Variants in VPS51 observed in about 807,000 individuals in gnomAD.
VPS51 encodes the protein VPS51 subunit of GARP complex, also known as vacuolar protein sorting-associated protein 51 homolog.
A neutral mutation model predicts 65.1 loss-of-function variants in VPS51; 55 were observed. The ratio of observed to expected loss-of-function variants is 0.84; its 90% confidence interval spans 0.68 to 1.06. The LOEUF (loss-of-function observed/expected upper bound fraction) is 1.06, where lower values mean the gene tolerates loss of function less well. Among genes scored for constraint, VPS51 ranks in the 50% least tolerant of loss-of-function variants. The pLI is 0.00. For synonymous variants in VPS51, 473 were observed against 489.5 expected (o/e 0.97, Z 0.44); for missense variants, 943 against 1,101.6 (o/e 0.86, Z 2.04).
At chr11:65,097,231 A>G in intron 2 of VPS51, 104 bp downstream of exon 2, 3 of 1,509,226 alleles carry the variant, frequency 2.0e-6, no homozygotes, top group Non-Finnish European at 2.7e-6. Context: ...CTCAGATTCC[A>G]GTCTTGTCCT....
intron 1 of VPS51, 40 bp downstream of exon 1, chr11:65,096,518 G>GGGGGGGGGGGGGGGGGGC: frequency 6.0e-5 from 30 of 499,362 alleles, no homozygotes; most frequent in Middle Eastern, 6.0e-4. Context: ...GGGGAGGGGG[G>GGGGGGGGGGGGGGGGGGC]AAGGGAACCA....
intron 2 of VPS51, among the ~76,000 whole-genome samples, chr11:65,101,937 G>A (rs1012599358): frequency 6.6e-6 from 1 of 150,978 alleles, no homozygotes; most frequent in African/African-American, 2.4e-5. Context: ...TTACCACCCA[G>A]TCCCCTCCCA....
intron 2 of VPS51, among the ~76,000 whole-genome samples, chr11:65,099,609 C>G (rs1196592757): frequency 6.6e-6 from 1 of 151,148 alleles, no homozygotes; most frequent in Non-Finnish European, 1.5e-5. Flanking sequence ...GCCTGTGCAA[C>G]ATAGTGAGAC....
In VPS51 at chr11:65,111,392, C is replaced by T. The variant is rs1182860788; in HGVS notation, c.2154C>T (p.Arg718=). Residue 718 remains arginine (R), a synonymous_variant, in exon 10 of 10, where the codon CGC becomes CGT. Coordinates refer to ENST00000279281, the MANE Select transcript of VPS51 (RefSeq NM_013265.4). ...LKTLLECVRL[R]TFGRFGLQQV... Reference sequence around the variant, plus strand: ...CGCTGCTGGAGTGTGTGCGGCTGCGCACCTTTGGGCGCTTCGGGCTGCAGC... The same window carrying T: ...CGCTGCTGGAGTGTGTGCGGCTGCGTACCTTTGGGCGCTTCGGGCTGCAGC... 5 of 1,612,834 alleles carry T rather than the reference C, an allele frequency of 3.1e-6. No individual in the cohort carries two copies. In the African/African-American group the frequency reaches 5.3e-5, roughly 17 times the overall value.
rs1404479368 is a variant in VPS51 at position 65,108,028 on chromosome 11, G to C, written c.725+6G>C. The C allele has an allele frequency of 6.6e-7, 1 of 1,505,700 alleles. No individual in the cohort carries two copies. The highest frequency in any genetic ancestry group is 8.9e-7 in the Non-Finnish European group (1 of 1,128,432). The allele number at this position is 1,505,700 out of a possible 1,614,324, so 93.3% of individuals were successfully genotyped here. A position where few individuals can be genotyped will look rare whatever the true frequency, so the allele number is the denominator to read the frequency against. ...CAGCTGCGGCAGCGCTTTAGGTGTG[G>C]CCCCTCTGCCCTGACCCCAGCGCTC... On this transcript the variant is annotated splice_donor_region_variant and intron_variant, in intron 4 of 9. Coordinates refer to ENST00000279281, the MANE Select transcript of VPS51 (RefSeq NM_013265.4).
At position 65,111,544 on chromosome 11, in the gene VPS51, C is replaced by T. The variant is rs1947902432; in HGVS notation, c.2306C>T (p.Pro769Leu). Residue 769 changes from proline to leucine, a missense_variant, in exon 10 of 10, where the codon CCC becomes CTC. This residue lies in a region of VPS51 where 88 missense variants were observed against 147.8 expected (regional missense o/e 0.60). Transcript: ENST00000279281. ...GCCCTGCGCTGCCCAGACCCTGTGC[C>T]CATGGAGCCCAGTGTGGTTGAGGTC... is the stretch of plus-strand genomic sequence containing the variant. ...SAALRCPDPV[P>L]MEPSVVEVIC... The T allele has an allele frequency of 6.2e-7, 1 of 1,611,980 alleles. No homozygotes were observed.
At chr11:65,096,918 C>T in intron 1 of VPS51, 80 bp from the exon 2 acceptor site, 1 of 1,576,150 alleles carries the variant, frequency 6.3e-7, no homozygotes, top group South Asian at 1.2e-5. Context: ...ATTTCTTGCC[C>T]TGAAAGCCTA....
At chr11:65,109,190 G>C in intron 5 of VPS51, 90 bp from the exon 6 acceptor site, 2 of 1,383,814 alleles carry the variant, frequency 1.4e-6, no homozygotes, top group Non-Finnish European at 2.0e-6. Context: ...TGCAGAGGGG[G>C]CTGGGGCACT....
Position 65,109,911 on chromosome 11 carries a change from C to T in VPS51, c.1866C>T (p.Ala622=). Residue 622 remains alanine (A), a synonymous_variant, in exon 7 of 10, where the codon GCC becomes GCT. Coordinates refer to ENST00000279281, the MANE Select transcript of VPS51 (RefSeq NM_013265.4). ...AGCGGGTGGTGGAGGATACCACCGC[C>T]ATCGACGTGCAGGTGCTGCCCAGGC... The part of the protein sequence containing the change: ...VMKRVVEDTT[A]IDVQVGLLYE... 1 of 1,600,918 alleles carries T rather than the reference C, an allele frequency of 6.2e-7. No individual in the cohort carries two copies. The highest frequency in any genetic ancestry group is 8.5e-7 in the Non-Finnish European group (1 of 1,176,386).
At position 65,111,054 on chromosome 11, in the gene VPS51, T is replaced by C. The variant is rs1239881436; in HGVS notation, c.2088+273T>C. Reference sequence around the variant, plus strand: ...CCTTGTCCTTATCCCCACAGTAGTCTTGGGTCCTCCCCAGGGTTTTCTGTT... The same window carrying C: ...CCTTGTCCTTATCCCCACAGTAGTCCTGGGTCCTCCCCAGGGTTTTCTGTT... On this transcript the variant is annotated intron_variant, in intron 9 of 9. Transcript: ENST00000279281. The C allele has an allele frequency of 1.0e-5, 7 of 691,390 alleles. No individual in the cohort carries two copies. The African/African-American group carries it at 1.1e-4, about 10-fold the overall frequency. 42.8% of individuals were successfully genotyped at this position (691,390 alleles called of 1,614,324 possible).
At chr11:65,110,053 C>A in intron 7 of VPS51, 130 bp downstream of exon 7, 1 of 1,039,550 alleles carries the variant, frequency 9.6e-7, no homozygotes. Context: ...CTGGGCTTCT[C>A]ACGGGGCCAG....
intron 7 of VPS51, 163 bp from the exon 8 acceptor site, chr11:65,110,319 T>C: frequency 1.6e-6 from 2 of 1,244,026 alleles, no homozygotes; most frequent in Non-Finnish European, 2.3e-6. Context: ...ACTCCACTGG[T>C]TCTATAAATA....
chr11:65,107,210 C>A lies in VPS51; in HGVS notation c.359-371C>A, dbSNP rs72932835. The A allele has an allele frequency of 3.0e-3, 1,491 of 489,318 alleles. 6 individuals are homozygous for A. The highest frequency in any genetic ancestry group is 4.2e-3 in the Non-Finnish European group (1,052 of 249,622). 30.3% of individuals were successfully genotyped at this position (489,318 alleles called of 1,614,324 possible). On this transcript the variant is annotated intron_variant, in intron 2 of 9. Coordinates refer to ENST00000279281, the MANE Select transcript of VPS51 (RefSeq NM_013265.4). This position sits in a 1 kb window ranked among gnomAD's most constrained non-coding sequence, Gnocchi z 4.0. ...AGGCAGTGCGCTGGACACGCAGATG[C>A]GCTTGGGAGCCAGCGGTCCCTGCCT...
In VPS51 at chr11:65,111,548, G is replaced by T; in HGVS notation, c.2310G>T (p.Met770Ile). Residue 770 changes from methionine to isoleucine, a missense_variant, in exon 10 of 10, where the codon ATG becomes ATT. By Grantham distance (10) the Met-to-Ile change is conservative. Around this residue, in one of 2 missense-constraint regions of VPS51, gnomAD observed 88 missense variants for 147.8 expected, o/e 0.60. Coordinates refer to ENST00000279281, the MANE Select transcript of VPS51 (RefSeq NM_013265.4). ...AALRCPDPVPMEPSVVEVICE... is the reference protein window; with the variant it reads ...AALRCPDPVPIEPSVVEVICE... ...TGCGCTGCCCAGACCCTGTGCCCATGGAGCCCAGTGTGGTTGAGGTCATCT... is the reference window on the plus strand; with the variant it reads ...TGCGCTGCCCAGACCCTGTGCCCATTGAGCCCAGTGTGGTTGAGGTCATCT... 1.2e-6 allele frequency: 2 copies of T among 1,611,796 alleles called. No individual in the cohort carries two copies.
chr11:65,111,407 C>T lies in VPS51; in HGVS notation c.2169C>T (p.Phe723=), dbSNP rs190333280. 1.7e-5 allele frequency: 27 copies of T among 1,613,304 alleles called. No individual in the cohort carries two copies. The highest frequency in any genetic ancestry group is 5.3e-5 in the African/African-American group (4 of 75,072). ...TGCGGCTGCGCACCTTTGGGCGCTT[C>T]GGGCTGCAGCAGGTGCAAGTGGACT... The part of the protein sequence containing the change: ...ECVRLRTFGR[F]GLQQVQVDCH... Residue 723 remains phenylalanine (F), a synonymous_variant, in exon 10 of 10, where the codon TTC becomes TTT. Coordinates refer to ENST00000279281, the MANE Select transcript of VPS51 (RefSeq NM_013265.4).
In VPS51 at chr11:65,109,743, A is replaced by G. The variant is rs771430049; in HGVS notation, c.1698A>G (p.Ala566=). 9.2e-5 allele frequency: 147 copies of G among 1,592,194 alleles called. No homozygotes were observed. Among genetic ancestry groups the G allele is most frequent in the Non-Finnish European group, 1.2e-4 (138 of 1,169,676 alleles). Residue 566 remains alanine, a synonymous_variant, in exon 7 of 10, where the codon GCA becomes GCG. Coordinates refer to ENST00000279281, the MANE Select transcript of VPS51 (RefSeq NM_013265.4). ...FPVTPVSTLC[A]EARETARRLL... is the part of the protein sequence containing the mutation. ...TGACGCCCGTGAGCACGCTGTGTGC[A>G]GAGGCCAGGGAAACGGCGCGGCGGC...
In VPS51 at chr11:65,109,889, G is replaced by C. The variant is rs1316547460; in HGVS notation, c.1844G>C (p.Arg615Pro). The C allele has an allele frequency of 1.6e-5, 26 of 1,609,190 alleles. No individual in the cohort carries two copies. The highest frequency in any genetic ancestry group is 2.0e-5 in the Non-Finnish European group (23 of 1,179,098). The change falls in exon 7 of 10, where the codon CGG (arginine) becomes CCG (proline). Residue 615 changes from arginine to proline, a missense_variant. By Grantham distance (103) the Arg-to-Pro change is moderately radical. Transcript: ENST00000279281. ...CGGAATGTGCGGGCCGTCATGAAGC[G>C]GGTGGTGGAGGATACCACCGCCATC... ...EPRNVRAVMKRVVEDTTAIDV... is the reference protein window; with the variant it reads ...EPRNVRAVMKPVVEDTTAIDV...
chr11:65,099,621 C>T (rs1319713217), intron 2 of VPS51, among the ~76,000 whole-genome samples: 3 of 150,776 alleles, frequency 2.0e-5, no homozygotes, highest in African/African-American at 2.4e-5. Context: ...TAGTGAGACC[C>T]GATATCTAGA....
At chr11:65,109,207 C>A (rs1947869237) in intron 5 of VPS51, 73 bp from the exon 6 acceptor site, 1 of 1,507,682 alleles carries the variant, frequency 6.6e-7, no homozygotes, top group Non-Finnish European at 9.0e-7. Flanking sequence ...CACTTAGAGC[C>A]CCAGCAGAGG....
Sources: allele counts gnomAD v4.1 joint callset (sites outside exome capture counted in the v4.1 genomes callset), GRCh38; gene constraint gnomAD v4.1.1; regional missense constraint gnomAD v4.1.1; non-coding constraint Gnocchi (gnomAD v3.1); transcripts MANE v1.5; gene names NCBI Gene and HGNC (gene_info 2026-07-23, HGNC 2026-07-21).